The following TIPIN variants were observed in gnomAD, a reference collection of about 807,000 sequenced individuals.
The protein encoded by TIPIN is TIMELESS-interacting protein.
TIPIN carries 29 observed loss-of-function variants against 35.6 expected under a neutral mutation model. The observed-to-expected ratio is 0.82, with a 90% CI of 0.61 to 1.11. TIPIN has a LOEUF of 1.11. Ranked by LOEUF, TIPIN falls within the 50% of genes most tolerant of loss-of-function variation. The pLI, the probability that TIPIN is intolerant of heterozygous loss-of-function variation, is 0.00. For synonymous variants in TIPIN, 102 were observed against 121.5 expected, an observed-to-expected ratio of 0.84 and a Z score of 1.06; for missense variants, 296 against 345.4, an observed-to-expected ratio of 0.86 and a Z score of 1.13.
chr15:66,359,076 C>G (rs1458117968), upstream of TIPIN, among the ~76,000 whole-genome samples: 2 of 151,048 alleles, frequency 1.3e-5, no homozygotes, highest in African/African-American at 4.9e-5. Context: ...ACACTGGGTC[C>G]CGGATGTCGA....
At chr15:66,350,466 GTGGT>G (rs1188760418) in intron 4 of TIPIN, among the ~76,000 whole-genome samples, 1 of 151,594 alleles carries the variant, frequency 6.6e-6, no homozygotes, top group Non-Finnish European at 1.5e-5. Flanking sequence ...TTAGTTGGGC[GTGGT>G]GGTGGGCACT....
chr15:66,377,828 C>T (rs2093303147), intron 1 of TIPIN, among the ~76,000 whole-genome samples: 2 of 151,980 alleles, frequency 1.3e-5, no homozygotes. Flanking sequence ...AGGCACATGT[C>T]ATTACACCCG....
chr15:66,371,491 T>G, intron 1 of TIPIN: 2 of 610,950 alleles, frequency 3.3e-6, no homozygotes, highest in Non-Finnish European at 4.1e-6. Flanking sequence ...TGAGTTTATT[T>G]ATTTTTCTTT....
chr15:66,369,170 C>T (rs942997104), intron 1 of TIPIN, among the ~76,000 whole-genome samples: 3 of 152,066 alleles, frequency 2.0e-5, no homozygotes, highest in Admixed American at 1.3e-4. Flanking sequence ...TAAATAGCTG[C>T]ATGGTTCAGC....
intron 1 of TIPIN, chr15:66,366,830 A>C: frequency 1.0e-6 from 1 of 984,850 alleles, no homozygotes; most frequent in Non-Finnish European, 1.2e-6. Flanking sequence ...CCAAGGAAGC[A>C]GTGGACTATG....
intron 1 of TIPIN, chr15:66,379,906 T>C: frequency 6.5e-7 from 1 of 1,529,722 alleles, no homozygotes; most frequent in South Asian, 1.1e-5. Context: ...TTAATGAGAA[T>C]GGTCTTCACT....
intron 1 of TIPIN, chr15:66,379,258 A>T: frequency 1.3e-6 from 2 of 1,481,704 alleles, no homozygotes; most frequent in Non-Finnish European, 1.8e-6. Context: ...CAGGTCTTTT[A>T]TTACATCATT....
rs777632768 is a variant in TIPIN at position 66,341,188 on chromosome 15, T to C, written c.644A>G (p.Gln215Arg). Residue 215 changes from glutamine (Q) to arginine (R), a missense_variant, in exon 7 of 8, where the codon CAG becomes CGG. Coordinates refer to ENST00000261881, the MANE Select transcript of TIPIN (RefSeq NM_017858.3). ...RNKQLALERR[Q>R]AKLLSNSQTL... ...CTGACTATTACTCAGCAGCTTTGCC[T>C]GCCTTCTTTCCAAGGCCAGTTGTTT... 7 of 1,612,196 alleles carry C rather than the reference T, an allele frequency of 4.3e-6. No homozygotes were observed. In the Admixed American group the frequency reaches 1.2e-4, roughly 27 times the overall value.
upstream of TIPIN, among the ~76,000 whole-genome samples, chr15:66,358,355 T>G (rs982178576): frequency 2.0e-5 from 3 of 152,020 alleles, no homozygotes; most frequent in Non-Finnish European, 4.4e-5. Context: ...ATAGCATCAT[T>G]AAGATTTGCC....
chr15:66,351,722 C>T (rs531965408), intron 3 of TIPIN, 122 bp from the exon 4 acceptor site: 15 of 755,904 alleles, frequency 2.0e-5, no homozygotes, highest in South Asian at 3.6e-5. Flanking sequence ...ACTGCAAGCT[C>T]GGCCTCCCCC....
intron 6 of TIPIN, among the ~76,000 whole-genome samples, chr15:66,343,202 A>T (rs2093100326): frequency 6.6e-6 from 1 of 152,214 alleles, no homozygotes; most frequent in South Asian, 2.1e-4. Context: ...CTACAAAATA[A>T]CAAAATGCCT....
intron 1 of TIPIN, chr15:66,382,769 T>C (rs933287867): frequency 2.4e-5 from 5 of 209,396 alleles, no homozygotes; most frequent in African/African-American, 7.1e-5. Context: ...TCAAACATTT[T>C]TGACCTACAA....
intron 1 of TIPIN, among the ~76,000 whole-genome samples, chr15:66,354,833 T>C (rs530137851): frequency 6.6e-6 from 1 of 152,272 alleles, no homozygotes; most frequent in Admixed American, 6.5e-5. Flanking sequence ...AATCCTTCTT[T>C]AGTAAGCATT....
intron 2 of TIPIN, 87 bp downstream of exon 2, chr15:66,352,728 G>C (rs1197708329): frequency 1.4e-6 from 2 of 1,390,620 alleles, no homozygotes; most frequent in African/African-American, 2.9e-5. Flanking sequence ...TGATCCGCCC[G>C]CCTCAGCATC....
chr15:66,376,603 T>C (rs2093297829), intron 1 of TIPIN, among the ~76,000 whole-genome samples: 3 of 151,668 alleles, frequency 2.0e-5, no homozygotes, highest in Middle Eastern at 3.4e-3. Context: ...TAATTTTTTG[T>C]ATTTTTAGTA....
At chr15:66,376,844 T>A (rs1281965120) in intron 1 of TIPIN, among the ~76,000 whole-genome samples, 1 of 150,368 alleles carries the variant, frequency 6.7e-6, no homozygotes, top group Non-Finnish European at 1.5e-5. Context: ...CACGGTGGCT[T>A]ACGCCTGTAA....
rs2093253892 is a variant in TIPIN at position 66,366,282 on chromosome 15, T to A, written c.-8-13327A>T. 1.3e-5 allele frequency among the ~76,000 whole-genome samples: 2 copies of A among 151,590 alleles called. 1 individual carries two copies. Among genetic ancestry groups the A allele is most frequent in the Non-Finnish European group, 2.9e-5 (2 of 67,902 alleles). Reference sequence around the variant, plus strand: ...CAGCCTGGCCAACATGGTGAAACCCTGTCTCTACTAAAAATGCAAAAATTA... The same window carrying A: ...CAGCCTGGCCAACATGGTGAAACCCAGTCTCTACTAAAAATGCAAAAATTA... On this transcript the variant is annotated intron_variant, in intron 1 of 7. Coordinates refer to the TIPIN transcript ENST00000562124.
chr15:66,383,669 C>T (rs892328676), intron 1 of TIPIN: 1 of 750,584 alleles, frequency 1.3e-6, no homozygotes, highest in Non-Finnish European at 1.6e-6. Context: ...CATACATTTA[C>T]ATCTATGCCT....
intron 1 of TIPIN, among the ~76,000 whole-genome samples, chr15:66,370,170 C>T (rs577689073): frequency 7.2e-5 from 11 of 152,084 alleles, no homozygotes; most frequent in Non-Finnish European, 8.8e-5. Context: ...AGTATATCTT[C>T]TTTCACTGCG....
Sources: gnomAD v4.1 joint callset for allele counts (sites outside exome capture counted in the v4.1 genomes callset) on GRCh38, gnomAD v4.1.1 for gene constraint, MANE v1.5 for transcripts, NCBI Gene and HGNC (gene_info 2026-07-23, HGNC 2026-07-21) for gene names.